MSTO1: variants seen among roughly 807,000 people sequenced by gnomAD.
MSTO1 encodes misato mitochondrial distribution and morphology regulator 1, also known as protein misato homolog 1.
In MSTO1, 24 loss-of-function variants were observed where a neutral mutation model predicts 55.7. The ratio of observed to expected loss-of-function variants is 0.43; its 90% CI spans 0.31 to 0.61. MSTO1 has a LOEUF of 0.61. MSTO1 is among the 20% of genes least tolerant of loss of function. The pLI, the probability that MSTO1 is intolerant of heterozygous loss-of-function variation, is 0.09. For synonymous variants in MSTO1, 162 were observed against 252.8 expected, an observed-to-expected ratio of 0.64 and a Z score of 3.41; for missense variants, 363 against 625.7, an observed-to-expected ratio of 0.58 and a Z score of 4.48.
At chr1:155,603,085 T>G in the MSTO1 span, among the ~76,000 whole-genome samples, 1 of 151,908 alleles carries the variant, frequency 6.6e-6, no homozygotes, top group Non-Finnish European at 1.5e-5. Flanking sequence ...TTCACTTTGG[T>G]CAGGCACAGG....
At chr1:155,602,839 A>G in the MSTO1 span, among the ~76,000 whole-genome samples, 1 of 151,750 alleles carries the variant, frequency 6.6e-6, no homozygotes, top group Middle Eastern at 3.2e-3. Context: ...CAACTACATG[A>G]TTTTCTCCAG....
chr1:155,576,037 G>T, the MSTO1 span, among the ~76,000 whole-genome samples: 5 of 151,824 alleles, frequency 3.3e-5, no homozygotes, highest in African/African-American at 9.7e-5. Flanking sequence ...GGCCAGGCTG[G>T]TCTCAAACTC....
chr1:155,609,243 A>ATATATATATATTTTTTT (rs59756178), upstream of MSTO1, among the ~76,000 whole-genome samples: 2 of 54,578 alleles, frequency 3.7e-5, no homozygotes, highest in Admixed American at 3.9e-4. Flanking sequence ...ATATATATAT[A>ATATATATATATTTTTTT]TTTTTTTTTT....
chr1:155,581,733 TTTTG>T, the MSTO1 span, among the ~76,000 whole-genome samples: 5 of 151,604 alleles, frequency 3.3e-5, no homozygotes, highest in African/African-American at 1.2e-4. Context: ...TTTTTGAGAA[TTTTG>T]TTTGTTTTGG....
chr1:155,587,580 G>A, the MSTO1 span, among the ~76,000 whole-genome samples: 43 of 144,062 alleles, frequency 3.0e-4, no homozygotes, highest in African/African-American at 4.4e-4. Context: ...CGTCTCTACT[G>A]AAAATACAAA....
At chr1:155,591,323 A>G in the MSTO1 span, 3,433 of 1,250,912 alleles carry the variant, frequency 2.7e-3, 29 homozygotes, top group South Asian at 0.019. Context: ...CCAAGTCGAC[A>G]CTTAATATTA....
At chr1:155,612,768 C>A (rs907857080) in intron 9 of MSTO1, 76 bp from the exon 10 acceptor site, 28 of 1,575,058 alleles carry the variant, frequency 1.8e-5, no homozygotes, top group Non-Finnish European at 2.3e-5. Flanking sequence ...CTGGGTCTCT[C>A]TGGTGTTAAT....
At chr1:155,577,806 C>G in the MSTO1 span, among the ~76,000 whole-genome samples, 1 of 152,094 alleles carries the variant, frequency 6.6e-6, no homozygotes, top group African/African-American at 2.4e-5. Context: ...TGGAGTGGCG[C>G]GACGCTAGAG....
At chr1:155,566,136 C>T in the MSTO1 span, 1 of 152,176 alleles carries the variant, frequency 6.6e-6, no homozygotes, top group African/African-American at 2.4e-5. Flanking sequence ...GCACCACCGT[C>T]GAAGCTCCCT....
At chr1:155,599,253 G>A in the MSTO1 span, among the ~76,000 whole-genome samples, 1 of 152,038 alleles carries the variant, frequency 6.6e-6, no homozygotes, top group Non-Finnish European at 1.5e-5. Flanking sequence ...TGATTTCTTC[G>A]TGATATTACT....
Position 155,612,528 on chromosome 1 carries a change from G to A in MSTO1, c.924G>A (p.Leu308=), listed in dbSNP as rs137939767. The A allele has an allele frequency of 3.9e-4, 630 of 1,613,398 alleles. 8 individuals are homozygous for A. The East Asian group carries it at 0.014, about 35-fold the overall frequency. The part of the protein sequence containing the change: ...CPLSLGGSLG[L]RPEPPVSFPY... ...TGTCCTTGGGTGGGAGCCTGGGCCT[G>A]CGACCCGAGCCACCTGTCAGCTTCC... Residue 308 remains leucine (L), a synonymous_variant, in exon 9 of 14, where the codon CTG becomes CTA. Transcript: ENST00000245564.
At chr1:155,580,559 T>A in the MSTO1 span, among the ~76,000 whole-genome samples, 1 of 152,116 alleles carries the variant, frequency 6.6e-6, no homozygotes, top group African/African-American at 2.4e-5. Context: ...AGGCTGTTTC[T>A]GACTTCCTTC....
At chr1:155,587,767 A>G in the MSTO1 span, among the ~76,000 whole-genome samples, 1 of 151,012 alleles carries the variant, frequency 6.6e-6, no homozygotes, top group Non-Finnish European at 1.5e-5. Flanking sequence ...AAAAAAAAGG[A>G]ATAACTGTGC....
chr1:155,598,674 A>T, the MSTO1 span: 1 of 403,880 alleles, frequency 2.5e-6, no homozygotes, highest in Non-Finnish European at 4.5e-6. Flanking sequence ...GTGAGCCAAG[A>T]TCACGTCACT....
chr1:155,579,925 A>G, the MSTO1 span, among the ~76,000 whole-genome samples: 1 of 151,850 alleles, frequency 6.6e-6, no homozygotes, highest in Non-Finnish European at 1.5e-5. Flanking sequence ...TAAAAATACA[A>G]AAATTAGCCA....
At chr1:155,569,784 ATGTT>A in the MSTO1 span, among the ~76,000 whole-genome samples, 1 of 151,916 alleles carries the variant, frequency 6.6e-6, no homozygotes, top group South Asian at 2.1e-4. Flanking sequence ...TTTTACGAAA[ATGTT>A]TGGGAACAGA....
chr1:155,583,612 T>C, the MSTO1 span, among the ~76,000 whole-genome samples: 3 of 152,220 alleles, frequency 2.0e-5, no homozygotes, highest in African/African-American at 7.2e-5. Context: ...TAAGTCTGGA[T>C]GCTGGTAGAT....
At chr1:155,578,336 CTTTTTTTTTTTTTTT>C in the MSTO1 span, among the ~76,000 whole-genome samples, 4 of 44,294 alleles carry the variant, frequency 9.0e-5, 1 homozygote, top group South Asian at 2.5e-3. Context: ...AACTACCTTT[CTTTTTTTTTTTTTTT>C]TTTTTTTTTT....
chr1:155,594,501 G>T, the MSTO1 span, among the ~76,000 whole-genome samples: 1 of 152,238 alleles, frequency 6.6e-6, no homozygotes, highest in East Asian at 1.9e-4. Context: ...GTTTTAGCAT[G>T]GTCCTATGGC....
Sources: gnomAD v4.1 joint callset for allele counts (sites outside exome capture counted in the v4.1 genomes callset) on GRCh38, gnomAD v4.1.1 for gene constraint, MANE v1.5 for transcripts, NCBI Gene and HGNC (gene_info 2026-07-23, HGNC 2026-07-21) for gene names.